The following KCNA6 variants were observed in gnomAD, a reference collection of about 807,000 sequenced individuals.
KCNA6 encodes human brain potassium channel-2.
A neutral mutation model predicts 29.5 loss-of-function variants in KCNA6; 17 were observed. That is an observed-to-expected ratio of 0.58 (90% CI 0.39 to 0.86). The LOEUF (loss-of-function observed/expected upper bound fraction) is 0.86. Among genes scored for constraint, KCNA6 ranks in the 40% least tolerant of loss-of-function variants. The pLI is 0.00. For missense variants in KCNA6, 450 were observed against 703.4 expected (o/e 0.64, Z 4.07); for synonymous variants, 296 against 304.7 (o/e 0.97, Z 0.30).
chr12:4,828,670 C>T, the KCNA6 span, among the ~76,000 whole-genome samples: 4 of 152,206 alleles, frequency 2.6e-5, no homozygotes, highest in African/African-American at 9.6e-5. Flanking sequence ...ATTTAATCGT[C>T]CCAGTTGCCC....
the KCNA6 span, among the ~76,000 whole-genome samples, chr12:4,836,081 A>G: frequency 6.6e-6 from 1 of 150,824 alleles, no homozygotes; most frequent in African/African-American, 2.4e-5. Flanking sequence ...CTGGGATTAC[A>G]GGTGCCTGCC....
At chr12:4,830,337 A>G in the KCNA6 span, among the ~76,000 whole-genome samples, 1 of 152,184 alleles carries the variant, frequency 6.6e-6, no homozygotes, top group Non-Finnish European at 1.5e-5. Context: ...GGCAGGAGCC[A>G]GTAAAGTTCC....
chr12:4,813,321 G>A lies in KCNA6; in HGVS notation c.*1690G>A, dbSNP rs558025805. On this transcript the variant is annotated 3_prime_UTR_variant, in exon 1 of 1. Coordinates refer to ENST00000280684, the Ensembl canonical transcript of KCNA6. ...CCACCCATTAAATGGGAACATTACT[G>A]TCTTCCCCTCCCTACCTCATGGGGA... The A allele has an allele frequency of 3.0e-5, 5 of 167,118 alleles. No individual in the cohort carries two copies. The South Asian group carries it at 1.0e-3, about 35-fold the overall frequency. The allele number at this position is 167,118 out of a possible 1,614,324, so 10.4% of individuals were successfully genotyped here.
At chr12:4,838,395 C>G in the KCNA6 span, among the ~76,000 whole-genome samples, 1 of 152,150 alleles carries the variant, frequency 6.6e-6, no homozygotes, top group Non-Finnish European at 1.5e-5. Flanking sequence ...TAGCATGGCA[C>G]CTTACACACA....
chr12:4,813,093 T>A (rs1313315038), exon 1 of KCNA6: 10 of 166,992 alleles, frequency 6.0e-5, no homozygotes, highest in Non-Finnish European at 1.3e-4. Context: ...GTTTTTAATT[T>A]TATATCTATG....
chr12:4,810,018 C>T lies in KCNA6; in HGVS notation c.-24C>T. The T allele has an allele frequency of 2.0e-6, 3 of 1,475,204 alleles. No homozygotes were observed. The highest frequency in any genetic ancestry group is 2.7e-6 in the Non-Finnish European group (3 of 1,119,128). 91.4% of individuals were successfully genotyped at this position (1,475,204 alleles called of 1,614,324 possible). ...TGTGTCGTGGGCGCCGTCCTAGTGG[C>T]GGGGAGCGCACCTCCGAGGGGGCAT... On this transcript the variant is annotated 5_prime_UTR_variant, in exon 1 of 1. Transcript: ENST00000280684. This position sits in a 1 kb window ranked among gnomAD's most constrained non-coding sequence, Gnocchi z 7.5.
At chr12:4,844,729 G>A in the KCNA6 span, among the ~76,000 whole-genome samples, 1 of 152,112 alleles carries the variant, frequency 6.6e-6, no homozygotes, top group Non-Finnish European at 1.5e-5. This position sits in a 1 kb window ranked among gnomAD's most constrained non-coding sequence, Gnocchi z 4.0. Flanking sequence ...CTTTGTACAT[G>A]TATGTTGTCT....
At chr12:4,818,497 G>A in the KCNA6 span, among the ~76,000 whole-genome samples, 438 of 152,272 alleles carry the variant, frequency 2.9e-3, 3 homozygotes, top group African/African-American at 0.01. Flanking sequence ...ATGAATTAAT[G>A]TATGTACAGT....
chr12:4,836,765 T>C, the KCNA6 span, among the ~76,000 whole-genome samples: 2 of 151,988 alleles, frequency 1.3e-5, no homozygotes, highest in African/African-American at 2.4e-5. Flanking sequence ...AAGATGGGAG[T>C]GCGACAGACT....
the KCNA6 span, among the ~76,000 whole-genome samples, chr12:4,846,669 GCTCT>G: frequency 6.6e-6 from 1 of 151,516 alleles, no homozygotes; most frequent in Non-Finnish European, 1.5e-5. Flanking sequence ...AATGCACCAG[GCTCT>G]CTCTCACCTT....
downstream of KCNA6, among the ~76,000 whole-genome samples, chr12:4,817,764 C>T (rs1002759719): frequency 6.6e-6 from 1 of 151,788 alleles, no homozygotes; most frequent in African/African-American, 2.4e-5. Flanking sequence ...TTTTTTAATC[C>T]AACTCCAACC....
At chr12:4,841,515 A>T in the KCNA6 span, among the ~76,000 whole-genome samples, 5 of 152,224 alleles carry the variant, frequency 3.3e-5, no homozygotes, top group Non-Finnish European at 5.9e-5. Flanking sequence ...AGTGGAATTC[A>T]GTCAATTGAA....
rs1262225187 is a variant in KCNA6 at position 4,811,835 on chromosome 12, A to G, written c.*204A>G. ...CATTCAAGGTTAATCCATCTAAGTG[A>G]CATTTTTGAAATTCCAGCGGTGCCA... On this transcript the variant is annotated 3_prime_UTR_variant, in exon 1 of 1. Coordinates refer to ENST00000280684, the Ensembl canonical transcript of KCNA6. This position sits in a 1 kb window ranked among gnomAD's most constrained non-coding sequence, Gnocchi z 7.1. 8.3e-6 allele frequency: 5 copies of G among 601,174 alleles called. No homozygotes were observed. The highest frequency in any genetic ancestry group is 1.9e-5 in the African/African-American group (1 of 53,810). The allele number at this position is 601,174 out of a possible 1,614,324, so 37.2% of individuals were successfully genotyped here.
downstream of KCNA6, among the ~76,000 whole-genome samples, chr12:4,815,595 G>A (rs1946674098): frequency 6.6e-6 from 1 of 152,178 alleles, no homozygotes; most frequent in African/African-American, 2.4e-5. Context: ...GAGAAAAGAG[G>A]GCTTAGGAGG....
At chr12:4,832,274 A>G in the KCNA6 span, among the ~76,000 whole-genome samples, 4 of 152,050 alleles carry the variant, frequency 2.6e-5, no homozygotes, top group Non-Finnish European at 4.4e-5. Flanking sequence ...GTACCTCTCT[A>G]TTACTTATTT....
the KCNA6 span, among the ~76,000 whole-genome samples, chr12:4,837,019 C>T: frequency 6.6e-6 from 1 of 152,180 alleles, no homozygotes; most frequent in Non-Finnish European, 1.5e-5. Context: ...AGGACAGTGG[C>T]TGGTCACTGA....
chr12:4,829,997 G>A, the KCNA6 span, among the ~76,000 whole-genome samples: 18 of 152,178 alleles, frequency 1.2e-4, no homozygotes, highest in Non-Finnish European at 8.8e-5. Flanking sequence ...TCTTTTGGAA[G>A]GGGCAGCCTC....
Position 4,809,957 on chromosome 12 carries a change from C to G in KCNA6, c.-85C>G, listed in dbSNP as rs543420698. On this transcript the variant is annotated 5_prime_UTR_variant, in exon 1 of 1. Coordinates refer to ENST00000280684, the Ensembl canonical transcript of KCNA6. ...GGGCCCCACCCTAAAGAGGGCGCAG[C>G]CGGGAGCTGGGGAGCGGGTGCCGCG... The G allele has an allele frequency of 1.4e-4, 197 of 1,445,546 alleles. 2 individuals carry two copies. In the South Asian group the frequency reaches 2.6e-3, roughly 19 times the overall value. 89.5% of individuals were successfully genotyped at this position (1,445,546 alleles called of 1,614,324 possible). A position where few individuals can be genotyped will look rare whatever the true frequency, so the allele number is the denominator to read the frequency against.
the KCNA6 span, among the ~76,000 whole-genome samples, chr12:4,850,266 G>T: frequency 6.6e-6 from 1 of 151,768 alleles, no homozygotes; most frequent in East Asian, 1.9e-4. This position sits in a 1 kb window ranked among gnomAD's most constrained non-coding sequence, Gnocchi z 5.4. Context: ...AGAGAGGAAC[G>T]CGCCTGACGC....
Sources: allele counts gnomAD v4.1 joint callset (sites outside exome capture counted in the v4.1 genomes callset), GRCh38; gene constraint gnomAD v4.1.1; non-coding constraint Gnocchi (gnomAD v3.1); transcripts MANE v1.5; gene names NCBI Gene and HGNC (gene_info 2026-07-23, HGNC 2026-07-21).